RYR3: variants seen among roughly 807,000 people sequenced by gnomAD.
The protein encoded by RYR3 is ryanodine receptor 3, also known as brain ryanodine receptor-calcium release channel.
In RYR3, 207 loss-of-function variants were observed where a neutral mutation model predicts 584.3. The observed-to-expected ratio is 0.35, with a 90% CI of 0.32 to 0.40. RYR3 has a LOEUF of 0.40. Ranked by LOEUF, RYR3 falls within the 10% of genes least tolerant of loss-of-function variation. RYR3 has a pLI of 1.00. For missense variants in RYR3, 5,616 were observed against 6,089.2 expected (o/e 0.92, Z 2.59); for synonymous variants, 2,416 against 2,248.5 (o/e 1.07, Z -2.11).
chr15:33,369,580 ATCTGTCTG>A (rs372642829), intron 1 of RYR3, among the ~76,000 whole-genome samples: 82 of 151,660 alleles, frequency 5.4e-4, no homozygotes, highest in African/African-American at 1.6e-3. Context: ...TCATCTATCT[ATCTGTCTG>A]TCTGTCTGTC....
intron 103 of RYR3, 151 bp from the exon 104 acceptor site, chr15:33,864,980 G>C: frequency 1.7e-6 from 1 of 599,182 alleles, no homozygotes; most frequent in East Asian, 2.8e-5. Flanking sequence ...AACAGCCTGT[G>C]CTGGGAATAG....
chr15:33,469,154 C>T (rs1286023763), intron 1 of RYR3, among the ~76,000 whole-genome samples: 2 of 152,060 alleles, frequency 1.3e-5, no homozygotes, highest in Non-Finnish European at 2.9e-5. Flanking sequence ...AGAGAGATTA[C>T]TTGGGCTTCA....
chr15:33,374,416 CCACCCACACA>C (rs1421845795), intron 1 of RYR3, among the ~76,000 whole-genome samples: 2 of 150,474 alleles, frequency 1.3e-5, no homozygotes, highest in Non-Finnish European at 1.5e-5. Flanking sequence ...ATCTCCACCC[CCACCCACACA>C]CACCCACACG....
intron 94 of RYR3, 44 bp from the exon 95 acceptor site, chr15:33,853,001 G>T (rs1299887413): frequency 1.3e-6 from 2 of 1,538,844 alleles, no homozygotes; most frequent in East Asian, 2.3e-5. Context: ...TGTTTTCCTT[G>T]ATGTTAAGAA....
In RYR3 at chr15:33,813,464, C is replaced by T. The variant is rs2076653319; in HGVS notation, c.10390-3C>T. ...TGCACCAACCGATGTGATCTCTTCTCAGGTGGAACAGCCTTTGAGGTCCAA... is the reference window on the plus strand; with the variant it reads ...TGCACCAACCGATGTGATCTCTTCTTAGGTGGAACAGCCTTTGAGGTCCAA... On this transcript the variant is annotated splice_region_variant and splice_polypyrimidine_tract_variant and intron_variant, in intron 73 of 103. Transcript: ENST00000634891. The T allele has an allele frequency of 6.2e-7, 1 of 1,612,442 alleles. No homozygotes were observed. Among genetic ancestry groups the T allele is most frequent in the African/African-American group, 1.3e-5 (1 of 74,894 alleles).
chr15:33,609,956 A>G (rs2060096160), intron 18 of RYR3, among the ~76,000 whole-genome samples: 1 of 152,080 alleles, frequency 6.6e-6, no homozygotes, highest in Non-Finnish European at 1.5e-5. Flanking sequence ...CTTTTTAAAT[A>G]ATTTTACCTA....
At chr15:33,635,499 T>C (rs1162275747) in intron 25 of RYR3, 115 bp from the exon 26 acceptor site, 1 of 737,038 alleles carries the variant, frequency 1.4e-6, no homozygotes, top group Non-Finnish European at 2.4e-6. Context: ...AGTCGACCTA[T>C]GGTCAGTCTT....
chr15:33,493,471 A>C (rs1392158310), intron 2 of RYR3, among the ~76,000 whole-genome samples: 6 of 152,200 alleles, frequency 3.9e-5, no homozygotes, highest in Non-Finnish European at 7.3e-5. Context: ...GTGGTTGCTT[A>C]TTTATGGCTG....
intron 3 of RYR3, among the ~76,000 whole-genome samples, chr15:33,505,311 A>C (rs2052372221): frequency 6.6e-6 from 1 of 152,168 alleles, no homozygotes. Flanking sequence ...CACTCTTTTG[A>C]TTTATAGCAG....
At chr15:33,691,928 A>T (rs1257681012) in intron 38 of RYR3, among the ~76,000 whole-genome samples, 2 of 152,238 alleles carry the variant, frequency 1.3e-5, no homozygotes, top group African/African-American at 2.4e-5. Flanking sequence ...TATCAACACG[A>T]TGAAAAAGGC....
chr15:33,512,192 T>C (rs943332257), intron 3 of RYR3, among the ~76,000 whole-genome samples: 3 of 152,208 alleles, frequency 2.0e-5, no homozygotes, highest in Admixed American at 6.5e-5. Flanking sequence ...TCATCTCAGC[T>C]TCTCGATGCT....
At chr15:33,342,869 T>A (rs77517917) in intron 1 of RYR3, among the ~76,000 whole-genome samples, 2,107 of 152,260 alleles carry the variant, frequency 0.014, 33 homozygotes, top group Non-Finnish European at 0.02. Flanking sequence ...GTCCCCTAGA[T>A]CCTTCCCAGT....
intron 55 of RYR3, among the ~76,000 whole-genome samples, chr15:33,749,523 C>CTA (rs2071074552): frequency 6.6e-6 from 1 of 152,172 alleles, no homozygotes; most frequent in African/African-American, 2.4e-5. Context: ...ATGGATTCTA[C>CTA]TAGAGAAATC....
At chr15:33,581,678 A>T (rs568094533) in intron 14 of RYR3, 35 bp downstream of exon 14, 1 of 1,590,660 alleles carries the variant, frequency 6.3e-7, no homozygotes, top group East Asian at 2.2e-5. Flanking sequence ...CCCTGGGATG[A>T]TTTCCATGGG....
intron 65 of RYR3, among the ~76,000 whole-genome samples, chr15:33,781,458 C>T (rs1243209930): frequency 6.6e-6 from 1 of 152,124 alleles, no homozygotes; most frequent in Non-Finnish European, 1.5e-5. Flanking sequence ...TAGTTCAAGC[C>T]CCCTTTCTCA....
intron 47 of RYR3, among the ~76,000 whole-genome samples, chr15:33,729,541 G>T (rs1445026732): frequency 6.6e-6 from 1 of 152,098 alleles, no homozygotes; most frequent in East Asian, 1.9e-4. Flanking sequence ...AGGATGGATA[G>T]GTCTGAAGCC....
intron 91 of RYR3, 65 bp from the exon 92 acceptor site, chr15:33,843,423 T>C: frequency 8.8e-7 from 1 of 1,132,394 alleles, no homozygotes; most frequent in South Asian, 1.3e-5. Context: ...ACCTTCTGTG[T>C]GAAAGTAGGA....
At position 33,726,495 on chromosome 15, in the gene RYR3, C is replaced by T; in HGVS notation, c.7022C>T (p.Ser2341Phe). The change falls in exon 46 of 104, where the codon TCC (serine) becomes TTC (phenylalanine). Residue 2341 changes from serine (S) to phenylalanine (F), a missense_variant. This residue lies in a region of RYR3 where 1,280 missense variants were observed against 1,426.2 expected (regional missense o/e 0.90). Transcript: ENST00000634891. ...ATCAGCATCCCCTTGAAACTGCCCT[C>T]CCTCAACAAAGGTAAGGGGAGTGAC... ...GIISIPLKLP[S>F]LNKDGSVSEP... 1 of 1,596,786 alleles carries T rather than the reference C, an allele frequency of 6.3e-7. No homozygotes were observed. The highest frequency in any genetic ancestry group is 8.5e-7 in the Non-Finnish European group (1 of 1,171,398).
chr15:33,511,802 G>A (rs35059538), intron 3 of RYR3, among the ~76,000 whole-genome samples: 2,321 of 151,956 alleles, frequency 0.015, 24 homozygotes, highest in Middle Eastern at 0.027. Context: ...TTTTTGAGAC[G>A]GAGTCTCGCT....
Sources: allele counts gnomAD v4.1 joint callset (sites outside exome capture counted in the v4.1 genomes callset), GRCh38; gene constraint gnomAD v4.1.1; regional missense constraint gnomAD v4.1.1; transcripts MANE v1.5; gene names NCBI Gene and HGNC (gene_info 2026-07-23, HGNC 2026-07-21).